Variants in PASD1 observed in about 807,000 individuals in gnomAD.
The protein encoded by PASD1 is circadian clock protein PASD1.
A neutral mutation model predicts 58.8 loss-of-function variants in PASD1; 13 were observed. That is an observed-to-expected ratio of 0.22 (90% CI 0.14 to 0.35). The LOEUF (loss-of-function observed/expected upper bound fraction) is 0.35, where lower values mean the gene tolerates loss of function less well. PASD1 is among the 10% of genes least tolerant of loss of function. The pLI is 1.00. For missense variants in PASD1, 734 were observed against 568.3 expected, an observed-to-expected ratio of 1.29 and a Z score of -2.96; for synonymous variants, 236 against 216.7, an observed-to-expected ratio of 1.09 and a Z score of -0.78.
At chrX:151,586,542 A>T (rs56031716) in intron 1 of PASD1, among the ~76,000 whole-genome samples, 1 of 111,542 alleles carries the variant, frequency 9.0e-6, no homozygotes, top group East Asian at 2.8e-4. Flanking sequence ...TGTTGTAAGG[A>T]TTAAATGGTG....
At position 151,676,238 on chromosome X, in the gene PASD1, C is replaced by A. The variant is rs1164111379; in HGVS notation, c.*95C>A. 1.0e-6 allele frequency: 1 copy of A among 957,096 alleles called. No individual in the cohort carries two copies. Among genetic ancestry groups the A allele is most frequent in the Non-Finnish European group, 1.4e-6 (1 of 699,731 alleles). The allele number at this position is 957,096 out of a possible 1,213,427, so 78.9% of individuals were successfully genotyped here. A position where few individuals can be genotyped will look rare whatever the true frequency, so the allele number is the denominator to read the frequency against. ...GGGGACCTTCAAGGTGCGTAAAGTCCCTTGGGGTAGGGTTTAGTGGGTAGA... is the reference window on the plus strand; with the variant it reads ...GGGGACCTTCAAGGTGCGTAAAGTCACTTGGGGTAGGGTTTAGTGGGTAGA... On this transcript the variant is annotated 3_prime_UTR_variant, in exon 16 of 16. Coordinates refer to ENST00000370357, the MANE Select transcript of PASD1 (RefSeq NM_173493.3).
rs186157203 is a variant in PASD1 at position 151,577,805 on chromosome X, C to T, written c.-28+13966C>T. On this transcript the variant is annotated intron_variant, in intron 1 of 15. Coordinates refer to ENST00000370357, the MANE Select transcript of PASD1 (RefSeq NM_173493.3). Reference sequence around the variant, plus strand: ...CCTCCCAAAGTGCTGTGATTATAGGCGTGAGCCACTGCGCCCGGCCCTGAG... The same window carrying T: ...CCTCCCAAAGTGCTGTGATTATAGGTGTGAGCCACTGCGCCCGGCCCTGAG... Among the ~76,000 whole-genome samples the T allele has an allele frequency of 1.5e-4, 17 of 112,012 alleles. No homozygotes were observed. In the East Asian group the frequency reaches 4.5e-3, roughly 30 times the overall value.
chrX:151,583,032 C>G (rs1298164133), intron 1 of PASD1, among the ~76,000 whole-genome samples: 1 of 111,513 alleles, frequency 9.0e-6, no homozygotes, highest in Non-Finnish European at 1.9e-5. Flanking sequence ...TCCTAGTGAG[C>G]TGAAGGTCAC....
chrX:151,579,971 C>T (rs886380500), intron 1 of PASD1, among the ~76,000 whole-genome samples: 5 of 111,632 alleles, frequency 4.5e-5, no homozygotes, highest in Admixed American at 9.5e-5. Flanking sequence ...GCCAGGGAAC[C>T]CTGAGCTTCA....
At chrX:151,607,161 C>T (rs1256349203) in intron 3 of PASD1, among the ~76,000 whole-genome samples, 2 of 111,822 alleles carry the variant, frequency 1.8e-5, no homozygotes, top group Admixed American at 9.5e-5. Context: ...GTGTATGCAT[C>T]TCTAAGTGAT....
chrX:151,654,722 G>C (rs1252618356), intron 9 of PASD1, among the ~76,000 whole-genome samples: 1 of 111,689 alleles, frequency 9.0e-6, no homozygotes, highest in Non-Finnish European at 1.9e-5. Context: ...GTATGGTGGG[G>C]TTCAAGGAGA....
rs770883884 is a variant in PASD1, at chrX:151,625,050, A to T, written c.547-398A>T. 5.4e-5 allele frequency among the ~76,000 whole-genome samples: 6 copies of T among 111,706 alleles called. No individual in the cohort carries two copies. The South Asian group carries it at 1.1e-3, about 21-fold the overall frequency. ...CTTGGTAGCCCTTACAGCACAAGGAACTCTATTTGTGTTCTAGTCCAGTTT... is the reference window on the plus strand; with the variant it reads ...CTTGGTAGCCCTTACAGCACAAGGATCTCTATTTGTGTTCTAGTCCAGTTT... On this transcript the variant is annotated intron_variant, in intron 7 of 15. Transcript: ENST00000370357.
At chrX:151,641,580 G>A (rs1274976848) in intron 8 of PASD1, among the ~76,000 whole-genome samples, 1 of 111,275 alleles carries the variant, frequency 9.0e-6, no homozygotes, top group African/African-American at 3.3e-5. Flanking sequence ...ATCCATATCT[G>A]TGTCTCGTAC....
chrX:151,622,619 T>A (rs868803285), intron 6 of PASD1, among the ~76,000 whole-genome samples: 12 of 55,773 alleles, frequency 2.2e-4, no homozygotes, highest in Non-Finnish European at 3.4e-4. Flanking sequence ...ACACACACAC[T>A]CCCACACACT....
chrX:151,657,135 G>A (rs1320641617), intron 9 of PASD1, among the ~76,000 whole-genome samples: 1 of 111,848 alleles, frequency 8.9e-6, no homozygotes, highest in African/African-American at 3.2e-5. Context: ...TTTGTCATTG[G>A]TTCTGTTTAT....
At chrX:151,604,780 G>A in intron 3 of PASD1, 46 bp downstream of exon 3, 2 of 972,987 alleles carry the variant, frequency 2.1e-6, no homozygotes, top group South Asian at 2.1e-5. Flanking sequence ...TTGAATACAT[G>A]TAATAGAAGA....
chrX:151,606,509 C>T (rs759576149), intron 3 of PASD1, among the ~76,000 whole-genome samples: 24 of 111,275 alleles, frequency 2.2e-4, no homozygotes, highest in Non-Finnish European at 4.5e-4. Context: ...GCATAACAAC[C>T]TACACTGTGC....
intron 8 of PASD1, among the ~76,000 whole-genome samples, chrX:151,630,351 C>G (rs756881032): frequency 2.1e-4 from 23 of 111,854 alleles, no homozygotes; most frequent in Admixed American, 8.6e-4. Context: ...TGTCTGAGCA[C>G]AGAACCTGAC....
intron 3 of PASD1, among the ~76,000 whole-genome samples, chrX:151,608,902 T>C (rs1195197803): frequency 9.0e-6 from 1 of 111,702 alleles, no homozygotes; most frequent in Non-Finnish European, 1.9e-5. Context: ...TCTGTAATGA[T>C]ATCCACTTTT....
intron 1 of PASD1, among the ~76,000 whole-genome samples, chrX:151,565,670 G>A (rs866492247): frequency 1.9e-5 from 2 of 105,998 alleles, no homozygotes; most frequent in South Asian, 4.2e-4. Flanking sequence ...CCATTCTCCT[G>A]CCTCAGCCTG....
intron 3 of PASD1, 23 bp from the exon 4 acceptor site, chrX:151,611,641 C>T (rs368831182): frequency 3.5e-5 from 37 of 1,046,799 alleles, no homozygotes; most frequent in Non-Finnish European, 3.8e-5. Flanking sequence ...TATTTAATTA[C>T]ATTATTATTC....
intron 11 of PASD1, among the ~76,000 whole-genome samples, chrX:151,669,632 G>A (rs1044419135): frequency 9.0e-6 from 1 of 111,200 alleles, no homozygotes; most frequent in African/African-American, 3.3e-5. Context: ...ACATATGAGT[G>A]AGAACATGTG....
At chrX:151,622,752 A>G (rs960809117) in intron 6 of PASD1, among the ~76,000 whole-genome samples, 185 bp from the exon 7 acceptor site, 1 of 111,782 alleles carries the variant, frequency 8.9e-6, no homozygotes, top group African/African-American at 3.3e-5. Context: ...GATTCTCAGT[A>G]ATAAATTCTT....
intron 8 of PASD1, among the ~76,000 whole-genome samples, chrX:151,635,071 TTA>T (rs2013912356): frequency 8.9e-6 from 1 of 111,739 alleles, no homozygotes. Flanking sequence ...ACTACTATTA[TTA>T]CTTATTTTAA....
Sources: allele counts gnomAD v4.1 joint callset (sites outside exome capture counted in the v4.1 genomes callset), GRCh38; gene constraint gnomAD v4.1.1; transcripts MANE v1.5; gene names NCBI Gene and HGNC (gene_info 2026-07-23, HGNC 2026-07-21).